The following MAST4 variants were observed in gnomAD, a reference collection of about 807,000 sequenced individuals.
The protein encoded by MAST4 is microtubule associated serine/threonine kinase family member 4.
A neutral mutation model predicts 162.7 loss-of-function variants in MAST4; 89 were observed. The ratio of observed to expected loss-of-function variants is 0.55; its 90% CI spans 0.46 to 0.65. MAST4 has a LOEUF of 0.65. Ranked by LOEUF, MAST4 falls within the 30% of genes least tolerant of loss-of-function variation. The probability of loss-of-function intolerance (pLI) is 0.00; values close to 1 mark genes in which losing one functional copy is unlikely to be tolerated. For synonymous variants in MAST4, 1,479 were observed against 1,361.1 expected (o/e 1.09, Z -1.91); for missense variants, 3,153 against 3,374.0 (o/e 0.93, Z 1.62).
At position 67,104,349 on chromosome 5, in the gene MAST4, G is replaced by T. The variant is rs933732161; in HGVS notation, c.1147-17G>T. On this transcript the variant is annotated splice_polypyrimidine_tract_variant and intron_variant, in intron 9 of 28. Coordinates refer to ENST00000403625, the MANE Select transcript of MAST4 (RefSeq NM_001164664.2). ...TTCCTCGTATTACATCTGTGTATGT[G>T]TGTCTTCTCTATATAGGCTACAGCT... is the stretch of plus-strand genomic sequence containing the variant. 1.3e-6 allele frequency: 2 copies of T among 1,579,852 alleles called. No homozygotes were observed. Among genetic ancestry groups the T allele is most frequent in the Non-Finnish European group, 1.7e-6 (2 of 1,149,010 alleles).
At chr5:66,887,663 A>C (rs1762124377) in intron 3 of MAST4, among the ~76,000 whole-genome samples, 1 of 152,182 alleles carries the variant, frequency 6.6e-6, no homozygotes, top group Admixed American at 6.5e-5. Context: ...CCCCATCTGA[A>C]AAAATACTGA....
At chr5:67,122,383 G>A (rs1310972296) in intron 14 of MAST4, among the ~76,000 whole-genome samples, 1 of 152,078 alleles carries the variant, frequency 6.6e-6, no homozygotes, top group African/African-American at 2.4e-5. Context: ...ATGCTTCACT[G>A]ATTTGTTTTC....
chr5:67,151,629 G>A (rs1771819252), intron 24 of MAST4, among the ~76,000 whole-genome samples: 1 of 152,004 alleles, frequency 6.6e-6, no homozygotes, highest in Non-Finnish European at 1.5e-5. Flanking sequence ...TAGCCTCTCA[G>A]AAACCTTATT....
At chr5:66,678,116 G>A (rs1387178029) in intron 1 of MAST4, among the ~76,000 whole-genome samples, 1 of 152,094 alleles carries the variant, frequency 6.6e-6, no homozygotes, top group East Asian at 1.9e-4. Context: ...CAACATGGAT[G>A]AACCTGGAGG....
intron 3 of MAST4, among the ~76,000 whole-genome samples, chr5:66,825,140 C>T (rs1475094462): frequency 4.6e-5 from 7 of 152,086 alleles, no homozygotes; most frequent in East Asian, 1.9e-4. Context: ...TAAATTCTTT[C>T]GCAATATCAC....
chr5:66,964,437 G>A (rs910120172), intron 4 of MAST4, among the ~76,000 whole-genome samples: 2 of 152,032 alleles, frequency 1.3e-5, no homozygotes, highest in African/African-American at 4.8e-5. Context: ...TATGGATATA[G>A]TGAATCTTCC....
chr5:66,848,138 T>G (rs1250630073), intron 3 of MAST4, among the ~76,000 whole-genome samples: 2 of 152,196 alleles, frequency 1.3e-5, no homozygotes, highest in Admixed American at 6.5e-5. Context: ...ACTATTTGCT[T>G]AAGATTTTTT....
chr5:67,109,432 G>A (rs1281261999), intron 10 of MAST4, among the ~76,000 whole-genome samples: 1 of 151,980 alleles, frequency 6.6e-6, no homozygotes, highest in African/African-American at 2.4e-5. Context: ...GAATTTTTAT[G>A]ATGAGACTTC....
chr5:66,794,859 T>G (rs1310922855), intron 3 of MAST4, among the ~76,000 whole-genome samples: 1 of 152,206 alleles, frequency 6.6e-6, no homozygotes, highest in Non-Finnish European at 1.5e-5. Flanking sequence ...AAAACCAAAC[T>G]ATTTAAACTG....
chr5:66,635,655 T>G (rs1745061348), intron 1 of MAST4, among the ~76,000 whole-genome samples: 1 of 152,164 alleles, frequency 6.6e-6, no homozygotes. Flanking sequence ...ACTTGTGAGA[T>G]AGAAACTTGA....
At chr5:66,986,738 C>T (rs1283376369) in intron 4 of MAST4, among the ~76,000 whole-genome samples, 1 of 151,676 alleles carries the variant, frequency 6.6e-6, no homozygotes, top group Non-Finnish European at 1.5e-5. Context: ...CTCCCACTTC[C>T]TGAGTAGCTG....
At chr5:66,930,364 A>G (rs767801062) in intron 4 of MAST4, among the ~76,000 whole-genome samples, 2 of 152,226 alleles carry the variant, frequency 1.3e-5, no homozygotes, top group Non-Finnish European at 2.9e-5. Flanking sequence ...AAAGGTGAGT[A>G]GAAAACAGAA....
intron 1 of MAST4, among the ~76,000 whole-genome samples, chr5:66,736,449 T>TA (rs1752161818): frequency 6.6e-6 from 1 of 151,910 alleles, no homozygotes; most frequent in African/African-American, 2.4e-5. Context: ...AATTACTATT[T>TA]AAAAAAATAG....
At chr5:66,940,605 C>A (rs1215981518) in intron 4 of MAST4, among the ~76,000 whole-genome samples, 1 of 152,114 alleles carries the variant, frequency 6.6e-6, no homozygotes, top group Non-Finnish European at 1.5e-5. Context: ...TTTAACAATT[C>A]AGTCACATCT....
intron 1 of MAST4, among the ~76,000 whole-genome samples, chr5:66,753,297 A>T (rs1324281433): frequency 6.6e-6 from 1 of 152,178 alleles, no homozygotes; most frequent in African/African-American, 2.4e-5. Context: ...GAAATAACTA[A>T]AATCGAGCAG....
intron 27 of MAST4, among the ~76,000 whole-genome samples, chr5:67,161,624 C>A (rs1226721461): frequency 1.3e-5 from 2 of 152,070 alleles, no homozygotes; most frequent in Non-Finnish European, 2.9e-5. Context: ...GGAGAAGAAA[C>A]AGGTAAAAGA....
intron 1 of MAST4, among the ~76,000 whole-genome samples, chr5:66,718,466 G>A (rs1221002666): frequency 6.6e-6 from 1 of 152,108 alleles, no homozygotes; most frequent in African/African-American, 2.4e-5. Context: ...GCTGATATGA[G>A]AGTGAGTGTG....
At chr5:67,078,649 T>C (rs921142119) in intron 5 of MAST4, among the ~76,000 whole-genome samples, 1 of 129,852 alleles carries the variant, frequency 7.7e-6, no homozygotes, top group African/African-American at 3.3e-5. Flanking sequence ...TTTATATCTT[T>C]ATATATATTT....
chr5:67,026,697 G>T (rs1754691941), intron 4 of MAST4, among the ~76,000 whole-genome samples: 1 of 152,216 alleles, frequency 6.6e-6, no homozygotes. Context: ...ATGCTAATCA[G>T]CATGAGACAG....
Sources: allele counts gnomAD v4.1 joint callset (sites outside exome capture counted in the v4.1 genomes callset), GRCh38; gene constraint gnomAD v4.1.1; transcripts MANE v1.5; gene names NCBI Gene and HGNC (gene_info 2026-07-23, HGNC 2026-07-21).